The following FAM83F variants were observed in gnomAD, a reference collection of about 807,000 sequenced individuals.
FAM83F encodes protein FAM83F.
FAM83F carries 45 observed loss-of-function variants against 42.9 expected under a neutral mutation model. The ratio of observed to expected loss-of-function variants is 1.05; its 90% confidence interval spans 0.83 to 1.35. The LOEUF is 1.35. Ranked by LOEUF, FAM83F falls within the 40% of genes most tolerant of loss-of-function variation. The pLI, the probability that FAM83F is intolerant of heterozygous loss-of-function variation, is 0.00. For synonymous variants in FAM83F, 306 were observed against 298.3 expected, an observed-to-expected ratio of 1.03 and a Z score of -0.27; for missense variants, 617 against 695.9, an observed-to-expected ratio of 0.89 and a Z score of 1.28.
Position 40,034,076 on chromosome 22 carries a change from G to C in FAM83F, c.*4511G>C, listed in dbSNP as rs1171229385. ...GGACCCACCTCCAAAAGCAGCCAGT[G>C]CTGACAGCAGAGAGCCTTCCACACT... On this transcript the variant is annotated 3_prime_UTR_variant, in exon 5 of 5. Coordinates refer to ENST00000333407, the MANE Select transcript of FAM83F (RefSeq NM_138435.4). 6.6e-6 allele frequency: 1 copy of C among 152,334 alleles called. No homozygotes were observed. Among genetic ancestry groups the C allele is most frequent in the African/African-American group, 2.4e-5 (1 of 41,438 alleles). The allele number at this position is 152,334 out of a possible 1,614,324, so 9.4% of individuals were successfully genotyped here.
In FAM83F at chr22:40,021,666, C is replaced by T. The variant is rs1020362697; in HGVS notation, c.1156C>T (p.Pro386Ser). 2.5e-6 allele frequency: 4 copies of T among 1,609,288 alleles called. No individual in the cohort carries two copies. Among genetic ancestry groups the T allele is most frequent in the Non-Finnish European group, 3.4e-6 (4 of 1,176,768 alleles). ...KDLVTVEQVL[P>S]PVEPIPLGEL... ...CCTGGTTACGGTGGAGCAGGTGCTG[C>T]CCCCCGTGGAGCCCATCCCCTTGGG... Residue 386 changes from proline to serine, a missense_variant, in exon 4 of 5, where the codon CCC becomes TCC. Transcript: ENST00000333407. The surrounding 1 kb of genome is among the most constrained non-coding windows in gnomAD (Gnocchi z 8.7).
chr22:39,998,718 G>C (rs961784049), intron 1 of FAM83F: 5 of 152,034 alleles, frequency 3.3e-5, no homozygotes, highest in African/African-American at 1.2e-4. Context: ...TTTTTGTTTT[G>C]TTTTGTTTTG....
In FAM83F at chr22:40,013,417, G is replaced by A. The variant is rs531713196; in HGVS notation, c.490-5751G>A. ...TCTACCCTATCATACATGAAGTTTT[G>A]TGGATGTGTGTGGGTATACATGTAT... is the stretch of plus-strand genomic sequence containing the variant. On this transcript the variant is annotated intron_variant, in intron 1 of 4. Coordinates refer to ENST00000333407, the MANE Select transcript of FAM83F (RefSeq NM_138435.4). Among the ~76,000 whole-genome samples the A allele has an allele frequency of 9.2e-5, 14 of 152,240 alleles. No homozygotes were observed. In the South Asian group the frequency reaches 2.7e-3, roughly 29 times the overall value.
At chr22:40,018,365 C>T (rs929005830) in intron 1 of FAM83F, among the ~76,000 whole-genome samples, 2 of 152,172 alleles carry the variant, frequency 1.3e-5, no homozygotes, top group African/African-American at 4.8e-5. Context: ...TCTCCTTGTG[C>T]CTGCTTGTTT....
At chr22:40,017,259 G>T (rs575285147) in intron 1 of FAM83F, among the ~76,000 whole-genome samples, 66 of 131,640 alleles carry the variant, frequency 5.0e-4, no homozygotes, top group African/African-American at 2.0e-3. Flanking sequence ...ACGGAGTCTC[G>T]CTCTTGTCAC....
Position 40,039,900 on chromosome 22 carries a change from A to G in FAM83F, c.*10335A>G, listed in dbSNP as rs2067643985. The stretch of plus-strand genomic sequence containing the variant: ...TGAGCTTAGAGAAATGAATTTCAGT[A>G]GAGTTAGGGCTAGAAGCCAGGTTCA... On this transcript the variant is annotated 3_prime_UTR_variant, in exon 5 of 5. Coordinates refer to ENST00000333407, the MANE Select transcript of FAM83F (RefSeq NM_138435.4). The G allele has an allele frequency of 6.6e-6, 1 of 152,280 alleles. No homozygotes were observed. The allele number at this position is 152,280 out of a possible 1,614,324, so 9.4% of individuals were successfully genotyped here. A position where few individuals can be genotyped will look rare whatever the true frequency, so the allele number is the denominator to read the frequency against.
At chr22:40,004,785 G>C (rs573228733) in intron 1 of FAM83F, among the ~76,000 whole-genome samples, 30 of 152,176 alleles carry the variant, frequency 2.0e-4, no homozygotes, top group African/African-American at 7.2e-4. Context: ...TTCATTTTAC[G>C]GATGAGGAAA....
At chr22:40,002,974 C>T (rs2145708647) in intron 1 of FAM83F, among the ~76,000 whole-genome samples, 2 of 152,264 alleles carry the variant, frequency 1.3e-5, no homozygotes, top group South Asian at 4.2e-4. Flanking sequence ...GGAGATTCCA[C>T]CCAGGTCTCA....
Position 40,029,140 on chromosome 22 carries a change from A to C in FAM83F, c.1454-376A>C, listed in dbSNP as rs562616519. On this transcript the variant is annotated intron_variant, in intron 4 of 4. Coordinates refer to ENST00000333407, the MANE Select transcript of FAM83F (RefSeq NM_138435.4). ...GTGTGTGTGTGTGTGTGTGAAAGCA[A>C]GTTTATTAGAAAAGTAAAGAAACAA... is the stretch of plus-strand genomic sequence containing the variant. Among the ~76,000 whole-genome samples, 28 of 146,948 alleles carry C rather than the reference A, an allele frequency of 1.9e-4. No individual in the cohort carries two copies. The East Asian group carries it at 5.7e-3, about 30-fold the overall frequency.
At position 40,039,999 on chromosome 22, in the gene FAM83F, A is replaced by T. The variant is rs2067644500; in HGVS notation, c.*10434A>T. ...CATTATTTAAAAAGCTAGGATAAGAAAATAGAGAAGAAAGGGAAGGAAGCT... is the reference window on the plus strand; with the variant it reads ...CATTATTTAAAAAGCTAGGATAAGATAATAGAGAAGAAAGGGAAGGAAGCT... On this transcript the variant is annotated 3_prime_UTR_variant, in exon 5 of 5. Transcript: ENST00000333407. The T allele has an allele frequency of 1.3e-5, 2 of 152,270 alleles. No individual in the cohort carries two copies. Among genetic ancestry groups the T allele is most frequent in the Admixed American group, 1.3e-4 (2 of 15,286 alleles). The allele number at this position is 152,270 out of a possible 1,614,324, so 9.4% of individuals were successfully genotyped here.
intron 4 of FAM83F, among the ~76,000 whole-genome samples, chr22:40,028,758 C>T (rs928694474): frequency 2.6e-5 from 4 of 152,208 alleles, no homozygotes; most frequent in African/African-American, 9.6e-5. Flanking sequence ...CTACAGGCAG[C>T]GCGTTCCTCT....
rs1217032712 is a variant in FAM83F, at chr22:40,021,423, AG to A, written c.914del (p.Ser305ThrfsTer36). The A allele has an allele frequency of 6.2e-7, 1 of 1,613,580 alleles. No individual in the cohort carries two copies. Among genetic ancestry groups the A allele is most frequent in the Non-Finnish European group, 8.5e-7 (1 of 1,179,688 alleles). On this transcript the variant is annotated frameshift_variant, in exon 4 of 5. Coordinates refer to ENST00000333407, the MANE Select transcript of FAM83F (RefSeq NM_138435.4). LOFTEE classifies it high-confidence loss of function. This position sits in a 1 kb window ranked among gnomAD's most constrained non-coding sequence, Gnocchi z 8.7. ...GGAGGTGGACTTGTACCGGCAGCTGAGCCTGGCGGGCAGGGTTGGCCTCCAT... is the reference window on the plus strand; with the variant it reads ...GGAGGTGGACTTGTACCGGCAGCTGACCTGGCGGGCAGGGTTGGCCTCCAT... The part of the protein sequence containing the change: ...SEEVDLYRQL[S>X]LAGRVGLHYS...
rs1347640893 is a variant in FAM83F at position 40,036,211 on chromosome 22, G to A, written c.*6646G>A. 1.3e-5 allele frequency: 2 copies of A among 152,026 alleles called. No individual in the cohort carries two copies. Among genetic ancestry groups the A allele is most frequent in the Non-Finnish European group, 2.9e-5 (2 of 67,992 alleles). 9.4% of individuals were successfully genotyped at this position (152,026 alleles called of 1,614,324 possible). On this transcript the variant is annotated 3_prime_UTR_variant, in exon 5 of 5. Transcript: ENST00000333407. ...CTGCCCTAATTTTCAATATTTTTTT[G>A]TAGAGATAGGATCTCACTGTGTTAC...
intron 3 of FAM83F, among the ~76,000 whole-genome samples, chr22:40,020,810 G>C (rs1383502236): frequency 6.6e-6 from 1 of 152,194 alleles, no homozygotes; most frequent in East Asian, 1.9e-4. Context: ...CATGGTCAGA[G>C]TATGGGTTTC....
At position 39,995,553 on chromosome 22, in the gene FAM83F, C is replaced by CA; in HGVS notation, c.489+23dup. ...GAAGGTAGGCCCCCGCCTTCGCCCC[C>CA]ACACCGCTGGGACCTCGGCCCCAGT... is the stretch of plus-strand genomic sequence containing the variant. On this transcript the variant is annotated intron_variant, in intron 1 of 4. Coordinates refer to ENST00000333407, the MANE Select transcript of FAM83F (RefSeq NM_138435.4). This position sits in a 1 kb window ranked among gnomAD's most constrained non-coding sequence, Gnocchi z 4.6. 1 of 1,532,068 alleles carries CA rather than the reference C, an allele frequency of 6.5e-7. No individual in the cohort carries two copies. Among genetic ancestry groups the CA allele is most frequent in the Non-Finnish European group, 8.8e-7 (1 of 1,134,176 alleles). 94.9% of individuals were successfully genotyped at this position (1,532,068 alleles called of 1,614,324 possible).
In FAM83F at chr22:40,021,203, C is replaced by G; in HGVS notation, c.780-87C>G. The G allele has an allele frequency of 7.0e-7, 1 of 1,437,920 alleles. No homozygotes were observed. Among genetic ancestry groups the G allele is most frequent in the South Asian group, 1.5e-5 (1 of 67,232 alleles). The allele number at this position is 1,437,920 out of a possible 1,614,324, so 89.1% of individuals were successfully genotyped here. ...CGTACACCTGCAGCAAGGGTCTGGC[C>G]ACAGCGGAGGGGCAGGTGGGGGCGG... On this transcript the variant is annotated intron_variant, in intron 3 of 4. Coordinates refer to ENST00000333407, the MANE Select transcript of FAM83F (RefSeq NM_138435.4). The surrounding 1 kb of genome is among the most constrained non-coding windows in gnomAD (Gnocchi z 8.7).
In FAM83F at chr22:40,021,862, C is replaced by T. The variant is rs752311146; in HGVS notation, c.1352C>T (p.Ala451Val). The part of the protein sequence containing the change: ...RLFSRRAKRP[A>V]APNGMASSVS... ...TTCAGTCGCCGAGCCAAGAGGCCTGCGGCGCCCAATGGCATGGCCAGCTCT... is the reference window on the plus strand; with the variant it reads ...TTCAGTCGCCGAGCCAAGAGGCCTGTGGCGCCCAATGGCATGGCCAGCTCT... The change falls in exon 4 of 5, where the codon GCG becomes GTG. Residue 451 changes from alanine to valine, a missense_variant. Ala to Val is a moderately conservative substitution (Grantham distance 64). Coordinates refer to ENST00000333407, the MANE Select transcript of FAM83F (RefSeq NM_138435.4). This position sits in a 1 kb window ranked among gnomAD's most constrained non-coding sequence, Gnocchi z 8.7. The T allele has an allele frequency of 2.1e-5, 34 of 1,611,850 alleles. No homozygotes were observed. The highest frequency in any genetic ancestry group is 2.4e-5 in the Non-Finnish European group (28 of 1,179,308).
At chr22:40,013,869 GGTTTT>G (rs2067480097) in intron 1 of FAM83F, among the ~76,000 whole-genome samples, 1 of 151,832 alleles carries the variant, frequency 6.6e-6, no homozygotes, top group South Asian at 2.1e-4. Flanking sequence ...CATGTGGTTA[GGTTTT>G]AACTGTGAAT....
At chr22:40,017,042 T>A (rs1225480209) in intron 1 of FAM83F, among the ~76,000 whole-genome samples, 1 of 152,166 alleles carries the variant, frequency 6.6e-6, no homozygotes, top group Non-Finnish European at 1.5e-5. Context: ...TTTTTTTGTT[T>A]GTTTTTGTTT....
Sources: gnomAD v4.1 joint callset for allele counts (sites outside exome capture counted in the v4.1 genomes callset) on GRCh38, gnomAD v4.1.1 for gene constraint, Gnocchi (gnomAD v3.1) non-coding constraint, MANE v1.5 for transcripts, NCBI Gene and HGNC (gene_info 2026-07-23, HGNC 2026-07-21) for gene names.